GABRR1: variants seen among roughly 807,000 people sequenced by gnomAD.
The protein encoded by GABRR1 is gamma-aminobutyric acid type A receptor subunit rho1.
GABRR1 carries 59 observed loss-of-function variants against 55.5 expected under a neutral mutation model. The ratio of observed to expected loss-of-function variants is 1.06; its 90% confidence interval spans 0.86 to 1.32. The LOEUF (loss-of-function observed/expected upper bound fraction) is 1.32, where lower values mean the gene tolerates loss of function less well. Among genes scored for constraint, GABRR1 ranks in the 40% most tolerant of loss-of-function variants. The pLI is 0.00. For synonymous variants in GABRR1, 213 were observed against 226.0 expected (o/e 0.94, Z 0.51); for missense variants, 602 against 619.1 (o/e 0.97, Z 0.29).
intron 1 of GABRR1, among the ~76,000 whole-genome samples, chr6:89,209,605 G>A (rs1040642280): frequency 9.9e-5 from 15 of 152,146 alleles, no homozygotes; most frequent in African/African-American, 3.1e-4. Context: ...GTGGAGCAGA[G>A]ACCAGGCCTT....
At chr6:89,181,663 C>T (rs146333091) in intron 8 of GABRR1, among the ~76,000 whole-genome samples, 11 of 152,274 alleles carry the variant, frequency 7.2e-5, no homozygotes, top group African/African-American at 2.4e-4. Context: ...CCCTGGAACA[C>T]GGCTTCGACA....
At chr6:89,192,626 G>A (rs1311981145) in intron 5 of GABRR1, among the ~76,000 whole-genome samples, 3 of 148,206 alleles carry the variant, frequency 2.0e-5, no homozygotes, top group Middle Eastern at 3.5e-3. Flanking sequence ...GCAGTGGTGC[G>A]ATCTCAACTC....
At chr6:89,201,465 A>G (rs1772469268) in intron 2 of GABRR1, among the ~76,000 whole-genome samples, 200 bp from the exon 3 acceptor site, 1 of 152,208 alleles carries the variant, frequency 6.6e-6, no homozygotes, top group Non-Finnish European at 1.5e-5. Context: ...GGCTTTGACC[A>G]TGACTGTGGA....
intron 7 of GABRR1, among the ~76,000 whole-genome samples, chr6:89,182,380 C>T (rs1322650843): frequency 6.6e-6 from 1 of 152,138 alleles, no homozygotes; most frequent in East Asian, 1.9e-4. Context: ...TGGCTCACAG[C>T]AGCCTTGAAC....
chr6:89,197,129 A>C (rs1461534921), intron 5 of GABRR1, among the ~76,000 whole-genome samples: 1 of 152,190 alleles, frequency 6.6e-6, no homozygotes, highest in African/African-American at 2.4e-5. Context: ...TCCTTTGGGG[A>C]ATGGGGACAG....
intron 5 of GABRR1, among the ~76,000 whole-genome samples, chr6:89,192,255 A>C (rs1772121466): frequency 6.6e-6 from 1 of 151,832 alleles, no homozygotes; most frequent in African/African-American, 2.4e-5. Flanking sequence ...GCGCCTCCAC[A>C]CTGCAGGTTT....
chr6:89,220,292 A>G (rs76306137), upstream of GABRR1, among the ~76,000 whole-genome samples: 2 of 152,298 alleles, frequency 1.3e-5, no homozygotes, highest in East Asian at 3.9e-4. Context: ...TTAGCTAAGG[A>G]GAGCTGGTTC....
rs1427289047 is a variant in GABRR1 at position 89,207,892 on chromosome 6, GT to G, written c.123-4408del. On this transcript the variant is annotated intron_variant, in intron 1 of 9. Coordinates refer to ENST00000454853, the MANE Select transcript of GABRR1 (RefSeq NM_002042.5). ...CTGGTACAGTAGGAGGAAGCAGGCA[GT>G]TAGGAAGCCAGCACACTGCCTTGAA... 1.6e-3 allele frequency among the ~76,000 whole-genome samples: 243 copies of G among 152,358 alleles called. 4 individuals carry two copies. The highest frequency in any genetic ancestry group is 2.6e-4 in the Non-Finnish European group (18 of 68,032).
At chr6:89,210,775 T>A (rs7771848) in intron 1 of GABRR1, among the ~76,000 whole-genome samples, 31,527 of 152,016 alleles carry the variant, frequency 0.21, 3,734 homozygotes, top group Admixed American at 0.29. Flanking sequence ...GAAACAAGGA[T>A]AAATGCGCCC....
chr6:89,220,962 C>T (rs557424784), upstream of GABRR1, among the ~76,000 whole-genome samples: 2 of 152,210 alleles, frequency 1.3e-5, no homozygotes, highest in South Asian at 2.1e-4. Flanking sequence ...TCAGGTGATC[C>T]GCCTACCTCA....
chr6:89,181,976 G>A lies in GABRR1; in HGVS notation c.878C>T (p.Thr293Ile), dbSNP rs940443680. 13 of 1,614,188 alleles carry A rather than the reference G, an allele frequency of 8.1e-6. No homozygotes were observed. The highest frequency in any genetic ancestry group is 1.1e-5 in the South Asian group (1 of 91,078). Residue 293 changes from threonine (T) to isoleucine (I), a missense_variant, in exon 8 of 10, where the codon ACC becomes ATC. Around this residue, in one of 3 missense-constraint regions of GABRR1, gnomAD observed 435 missense variants for 424.2 expected, o/e 1.03. Transcript: ENST00000454853. Reference sequence around the variant, plus strand: ...CACCCAGGACAGCATGACCATCAGGGTAGCGGGGAAATAAGTTTGGAGCAA... The same window carrying A: ...CACCCAGGACAGCATGACCATCAGGATAGCGGGGAAATAAGTTTGGAGCAA... The part of the protein sequence containing the change: ...FFLLQTYFPA[T>I]LMVMLSWVSF...
chr6:89,200,241 C>CTT (rs10603486), intron 3 of GABRR1, among the ~76,000 whole-genome samples: 195 of 86,292 alleles, frequency 2.3e-3, no homozygotes, highest in African/African-American at 6.2e-3. Context: ...TTCTTTTTCC[C>CTT]TTTTTTTTTT....
At chr6:89,192,041 A>G (rs1582384087) in intron 5 of GABRR1, among the ~76,000 whole-genome samples, 1 of 103,788 alleles carries the variant, frequency 9.6e-6, no homozygotes, top group African/African-American at 2.9e-5. Context: ...GACTCCATCG[A>G]AAAAAAAAAA....
chr6:89,230,516 C>A (rs1307228), intron 1 of GABRR1, among the ~76,000 whole-genome samples: 34,206 of 151,888 alleles, frequency 0.23, 4,267 homozygotes, highest in Admixed American at 0.32. Context: ...GTTGGAATAC[C>A]CTGCCTTGTG....
intron 1 of GABRR1, among the ~76,000 whole-genome samples, chr6:89,216,836 T>C (rs984000335): frequency 7.2e-5 from 11 of 152,216 alleles, no homozygotes; most frequent in East Asian, 1.9e-4. Flanking sequence ...ACAGGTCCCA[T>C]TGGTAATTTG....
intron 1 of GABRR1, among the ~76,000 whole-genome samples, chr6:89,213,462 G>A (rs1356269175): frequency 6.6e-6 from 1 of 152,192 alleles, no homozygotes; most frequent in Non-Finnish European, 1.5e-5. Context: ...AGCTTTCAAT[G>A]TTCTTGTGCC....
rs1772359146 is a variant in GABRR1, at chr6:89,198,116, A to G, written c.476T>C (p.Phe159Ser). ...GAAGGAGCGTTTGGAGTGCACGAAAAACATGTCAGGGACCCAGATCTTCTT... is the reference window on the plus strand; with the variant it reads ...GAAGGAGCGTTTGGAGTGCACGAAAGACATGTCAGGGACCCAGATCTTCTT... The part of the protein sequence containing the change: ...LVKKIWVPDM[F>S]FVHSKRSFIH... Residue 159 changes from phenylalanine (F) to serine (S), a missense_variant, in exon 5 of 10, where the codon TTT (phenylalanine) becomes TCT (serine). Transcript: ENST00000454853. The G allele has an allele frequency of 6.2e-7, 1 of 1,613,958 alleles. No individual in the cohort carries two copies. Among genetic ancestry groups the G allele is most frequent in the Admixed American group, 1.7e-5 (1 of 59,984 alleles).
At chr6:89,225,900 A>G (rs13212469) in intron 1 of GABRR1, among the ~76,000 whole-genome samples, 39,578 of 130,520 alleles carry the variant, frequency 0.3, 6,395 homozygotes, top group African/African-American at 0.38. Flanking sequence ...AAGTGTTCCT[A>G]TTTCTCCACA....
Position 89,223,419 on chromosome 6 carries a change from T to C in GABRR1, c.-410-1973A>G, listed in dbSNP as rs145723236. On this transcript the variant is annotated intron_variant, in intron 1 of 11. Transcript: ENST00000369451. ...GCTGAGTAGTATTCCATTGTATATA[T>C]ATGCCACGGTTTCTTTATCCACTCG... is the stretch of plus-strand genomic sequence containing the variant. Among the ~76,000 whole-genome samples the C allele has an allele frequency of 5.2e-3, 792 of 152,346 alleles. 8 individuals are homozygous for C. Among genetic ancestry groups the C allele is most frequent in the African/African-American group, 0.018 (752 of 41,588 alleles).
Sources: allele counts gnomAD v4.1 joint callset (sites outside exome capture counted in the v4.1 genomes callset), GRCh38; gene constraint gnomAD v4.1.1; regional missense constraint gnomAD v4.1.1; transcripts MANE v1.5; gene names NCBI Gene and HGNC (gene_info 2026-07-23, HGNC 2026-07-21).